The following KCNH7 variants were observed in gnomAD, a reference collection of about 807,000 sequenced individuals.
The protein encoded by KCNH7 is voltage-gated inwardly rectifying potassium channel KCNH7.
KCNH7 carries 49 observed loss-of-function variants against 120.8 expected under a neutral mutation model. The ratio of observed to expected loss-of-function variants is 0.41; its 90% CI spans 0.32 to 0.51. The LOEUF (loss-of-function observed/expected upper bound fraction) is 0.51. Ranked by LOEUF, KCNH7 falls within the 20% of genes least tolerant of loss-of-function variation. The pLI, the probability that KCNH7 is intolerant of heterozygous loss-of-function variation, is 0.38. For missense variants in KCNH7, 1,097 were observed against 1,446.6 expected, an observed-to-expected ratio of 0.76 and a Z score of 3.92; for synonymous variants, 547 against 516.1, an observed-to-expected ratio of 1.06 and a Z score of -0.81.
At chr2:162,441,199 T>A (rs190408922) in intron 7 of KCNH7, among the ~76,000 whole-genome samples, 1 of 152,200 alleles carries the variant, frequency 6.6e-6, no homozygotes, top group Non-Finnish European at 1.5e-5. Flanking sequence ...TATATGTATA[T>A]GTGTCTGCAA....
chr2:162,611,941 G>C (rs557274085), intron 2 of KCNH7, among the ~76,000 whole-genome samples: 1 of 152,316 alleles, frequency 6.6e-6, no homozygotes, highest in South Asian at 2.1e-4. Flanking sequence ...TAGGAAAATG[G>C]AGAAAGTCAT....
intron 2 of KCNH7, among the ~76,000 whole-genome samples, chr2:162,728,997 T>A (rs1687624793): frequency 6.6e-6 from 1 of 152,048 alleles, no homozygotes; most frequent in South Asian, 2.1e-4. Context: ...TTCAAGTTTT[T>A]TTTTTATTTT....
At chr2:162,486,416 T>C (rs558234084) in intron 6 of KCNH7, among the ~76,000 whole-genome samples, 76 of 152,304 alleles carry the variant, frequency 5.0e-4, no homozygotes, top group Non-Finnish European at 9.6e-4. Flanking sequence ...CTAAATGATT[T>C]TTAAAAGATA....
At chr2:162,686,888 C>T (rs1427436868) in intron 2 of KCNH7, among the ~76,000 whole-genome samples, 3 of 151,964 alleles carry the variant, frequency 2.0e-5, no homozygotes, top group Admixed American at 6.6e-5. Flanking sequence ...ATTTTCTGTT[C>T]GTCTGAATAC....
chr2:162,674,012 T>G (rs1279195631), intron 2 of KCNH7, among the ~76,000 whole-genome samples: 1 of 151,708 alleles, frequency 6.6e-6, no homozygotes, highest in African/African-American at 2.4e-5. Flanking sequence ...CAAGAAAAAA[T>G]GTCCACAATC....
chr2:162,583,161 G>C (rs952524170), intron 2 of KCNH7, among the ~76,000 whole-genome samples: 2 of 151,968 alleles, frequency 1.3e-5, no homozygotes, highest in African/African-American at 4.8e-5. Context: ...ACTGTAATTG[G>C]TTATGATATA....
At chr2:162,623,576 C>A (rs563760161) in intron 2 of KCNH7, among the ~76,000 whole-genome samples, 1 of 152,262 alleles carries the variant, frequency 6.6e-6, no homozygotes, top group East Asian at 1.9e-4. Context: ...TGTTTTAGTG[C>A]AGAGATTTAG....
intron 6 of KCNH7, among the ~76,000 whole-genome samples, chr2:162,466,431 A>G (rs1423766878): frequency 1.3e-5 from 2 of 152,204 alleles, no homozygotes; most frequent in East Asian, 1.9e-4. Flanking sequence ...AGAAGTGCCA[A>G]TCAAAGGGGG....
At chr2:162,590,749 A>T (rs1335134644) in intron 2 of KCNH7, among the ~76,000 whole-genome samples, 1 of 152,108 alleles carries the variant, frequency 6.6e-6, no homozygotes, top group Admixed American at 6.5e-5. Context: ...TACCCTAGTG[A>T]GTACCATCTG....
At chr2:162,482,772 C>T (rs1451497558) in intron 6 of KCNH7, among the ~76,000 whole-genome samples, 2 of 152,036 alleles carry the variant, frequency 1.3e-5, no homozygotes, top group Non-Finnish European at 2.9e-5. Flanking sequence ...GTAGGTTCTT[C>T]AAATCTTCAT....
intron 2 of KCNH7, among the ~76,000 whole-genome samples, chr2:162,684,898 C>T (rs967374695): frequency 2.0e-5 from 3 of 152,054 alleles, no homozygotes; most frequent in Non-Finnish European, 2.9e-5. Flanking sequence ...CACATGCACA[C>T]GTATGTTAAC....
At chr2:162,674,403 C>T (rs1323895542) in intron 2 of KCNH7, among the ~76,000 whole-genome samples, 2 of 151,682 alleles carry the variant, frequency 1.3e-5, no homozygotes, top group South Asian at 2.1e-4. Context: ...AAGTCAATAT[C>T]TTCATTATGC....
intron 2 of KCNH7, among the ~76,000 whole-genome samples, chr2:162,758,902 G>T (rs1559119492): frequency 6.6e-6 from 1 of 152,092 alleles, no homozygotes; most frequent in Non-Finnish European, 1.5e-5. Flanking sequence ...ACATTTTGAG[G>T]CCAAGGAAAT....
intron 2 of KCNH7, among the ~76,000 whole-genome samples, chr2:162,557,758 C>A (rs1031610752): frequency 7.2e-5 from 11 of 151,986 alleles, no homozygotes; most frequent in Non-Finnish European, 1.5e-4. Flanking sequence ...ATAAACAATG[C>A]GGAATACGCT....
At chr2:162,441,245 A>G (rs534928944) in intron 7 of KCNH7, among the ~76,000 whole-genome samples, 2 of 152,306 alleles carry the variant, frequency 1.3e-5, no homozygotes, top group East Asian at 3.9e-4. Context: ...ACATGATTAT[A>G]TTGGATGTTT....
chr2:162,763,747 G>C (rs1378011462), intron 2 of KCNH7, among the ~76,000 whole-genome samples: 1 of 150,970 alleles, frequency 6.6e-6, no homozygotes, highest in African/African-American at 2.4e-5. Context: ...GTGTGTGTGT[G>C]TGTGTGTGTG....
intron 2 of KCNH7, among the ~76,000 whole-genome samples, chr2:162,766,595 G>A (rs1245430269): frequency 1.3e-5 from 2 of 152,152 alleles, no homozygotes; most frequent in Non-Finnish European, 2.9e-5. Context: ...TATTTTAGTC[G>A]TCGTTTTTCT....
At chr2:162,432,185 A>G (rs1688092847) in intron 8 of KCNH7, among the ~76,000 whole-genome samples, 1 of 151,924 alleles carries the variant, frequency 6.6e-6, no homozygotes, top group South Asian at 2.1e-4. Flanking sequence ...AGTGTTTACT[A>G]TTAGTTTTAA....
intron 9 of KCNH7, among the ~76,000 whole-genome samples, chr2:162,403,490 CA>C (rs1387664641): frequency 2.0e-5 from 3 of 151,888 alleles, no homozygotes; most frequent in Non-Finnish European, 4.4e-5. Flanking sequence ...ATCGGAATTC[CA>C]ACAGTTTTAG....
Sources: allele counts gnomAD v4.1 joint callset (sites outside exome capture counted in the v4.1 genomes callset), GRCh38; gene constraint gnomAD v4.1.1; transcripts MANE v1.5; gene names NCBI Gene and HGNC (gene_info 2026-07-23, HGNC 2026-07-21).